TBC1D32: variants seen among roughly 807,000 people sequenced by gnomAD.
TBC1D32 encodes the protein TBC1 domain family member 32.
Under a neutral mutation model 170.3 loss-of-function variants are expected in TBC1D32, and 151 were observed. The observed-to-expected ratio is 0.89, with a 90% CI of 0.78 to 1.01. The LOEUF is 1.01. Among genes scored for constraint, TBC1D32 ranks in the 50% least tolerant of loss-of-function variants. The pLI is 0.00. For synonymous variants in TBC1D32, 498 were observed against 488.0 expected (o/e 1.02, Z -0.27); for missense variants, 1,464 against 1,457.1 (o/e 1.00, Z -0.08).
intron 5 of TBC1D32, among the ~76,000 whole-genome samples, chr6:121,307,578 G>T (rs1030282956): frequency 6.6e-6 from 1 of 151,450 alleles, no homozygotes; most frequent in African/African-American, 2.4e-5. Flanking sequence ...GAAAACTATC[G>T]GCCAGACACC....
chr6:121,231,477 G>T (rs531282292), intron 20 of TBC1D32, among the ~76,000 whole-genome samples: 71 of 152,258 alleles, frequency 4.7e-4, no homozygotes, highest in African/African-American at 1.7e-3. Context: ...TCTACTTTTA[G>T]TTCTTTAAGG....
chr6:121,273,470 T>A (rs991382772), intron 15 of TBC1D32, among the ~76,000 whole-genome samples: 1 of 149,578 alleles, frequency 6.7e-6, no homozygotes, highest in Non-Finnish European at 1.5e-5. Context: ...GTGGGGAACA[T>A]CACACACCGG....
intron 30 of TBC1D32, among the ~76,000 whole-genome samples, chr6:121,098,447 C>T (rs568662805): frequency 1.3e-5 from 2 of 151,950 alleles, no homozygotes; most frequent in South Asian, 2.1e-4. Context: ...TCGGAATGAC[C>T]TCCGCAAGTC....
At chr6:121,319,779 T>C (rs953046267) in intron 2 of TBC1D32, among the ~76,000 whole-genome samples, 2 of 152,126 alleles carry the variant, frequency 1.3e-5, no homozygotes, top group South Asian at 2.1e-4. Flanking sequence ...AATTCTACAA[T>C]GTAAATTTAA....
chr6:121,290,288 C>G (rs1804622382), intron 12 of TBC1D32, among the ~76,000 whole-genome samples: 1 of 151,954 alleles, frequency 6.6e-6, no homozygotes, highest in African/African-American at 2.4e-5. Flanking sequence ...ACAATGAACT[C>G]AAACAAATTT....
intron 21 of TBC1D32, among the ~76,000 whole-genome samples, chr6:121,212,768 A>C (rs1317568086): frequency 6.6e-6 from 1 of 152,116 alleles, no homozygotes; most frequent in African/African-American, 2.4e-5. Context: ...GCCCAGGCCA[A>C]TATCTTTGAT....
intron 22 of TBC1D32, among the ~76,000 whole-genome samples, chr6:121,178,611 T>G (rs1175827429): frequency 1.3e-5 from 2 of 152,166 alleles, no homozygotes; most frequent in Non-Finnish European, 2.9e-5. Context: ...CTCCTGGTGC[T>G]CATGTTCTTG....
chr6:121,102,245 G>A (rs951604350), intron 30 of TBC1D32, among the ~76,000 whole-genome samples: 8 of 152,018 alleles, frequency 5.3e-5, no homozygotes, highest in African/African-American at 1.9e-4. Context: ...CTACTTTAAA[G>A]TTCATGTGGA....
At position 121,321,732 on chromosome 6, in the gene TBC1D32, T is replaced by C; in HGVS notation, c.218A>G (p.Glu73Gly). ...ATCAGATGTGCATTTTTCCATTTCT[T>C]CTTCAATCATAGAACCCAAAGTGTT... is the stretch of plus-strand genomic sequence containing the variant. ...IGNTLGSMIE[E>G]EMEKCTSDRN... is the part of the protein sequence containing the mutation. Residue 73 changes from glutamate (E) to glycine (G), a missense_variant, in exon 2 of 32, where the codon GAA becomes GGA. Around this residue, in one of 3 missense-constraint regions of TBC1D32, gnomAD observed 1,363 missense variants for 1,338.1 expected, o/e 1.02. Coordinates refer to ENST00000398212, the MANE Select transcript of TBC1D32 (RefSeq NM_152730.6). 1 of 1,614,054 alleles carries C rather than the reference T, an allele frequency of 6.2e-7. No homozygotes were observed. Among genetic ancestry groups the C allele is most frequent in the Non-Finnish European group, 8.5e-7 (1 of 1,179,966 alleles).
chr6:121,213,178 T>C (rs9372648), intron 21 of TBC1D32, among the ~76,000 whole-genome samples: 24,474 of 151,980 alleles, frequency 0.16, 2,657 homozygotes, highest in East Asian at 0.52. Context: ...CTATTCAACA[T>C]AGTATTGGAA....
At chr6:121,098,473 T>G (rs941080940) in intron 30 of TBC1D32, among the ~76,000 whole-genome samples, 1 of 151,918 alleles carries the variant, frequency 6.6e-6, no homozygotes, top group Admixed American at 6.6e-5. Context: ...ACTTCATTGA[T>G]CGTGAATTTC....
In TBC1D32 at chr6:121,131,677, C is replaced by G; in HGVS notation, c.2849G>C (p.Arg950Thr). Residue 950 changes from arginine to threonine, a missense_variant, in exon 25 of 32, where the codon AGA becomes ACA. Arg to Thr is a moderately conservative substitution (Grantham distance 71, BLOSUM62 -1). This residue lies in a region of TBC1D32 where 1,363 missense variants were observed against 1,338.1 expected (regional missense o/e 1.02). Coordinates refer to ENST00000398212, the MANE Select transcript of TBC1D32 (RefSeq NM_152730.6). The stretch of plus-strand genomic sequence containing the variant: ...GGCTTTCATCATTTTGCAAAATTGT[C>G]TTTGGCAGTTTTCTATCCATTCAGT... ...KQTEWIENCQ[R>T]QFCKMMKAKP... 4 of 1,611,636 alleles carry G rather than the reference C, an allele frequency of 2.5e-6. No homozygotes were observed. In the South Asian group the frequency reaches 4.4e-5, roughly 18 times the overall value.
intron 1 of TBC1D32, among the ~76,000 whole-genome samples, chr6:121,333,380 T>C (rs6905024): frequency 0.97 from 147,506 of 152,252 alleles, 71,664 homozygotes; most frequent in East Asian, 1. Context: ...AACCTCTTTT[T>C]CCTACTGCTC....
chr6:121,223,382 G>C (rs779936127), intron 20 of TBC1D32, 30 bp from the exon 21 acceptor site: 2 of 1,454,466 alleles, frequency 1.4e-6, no homozygotes, highest in Non-Finnish European at 1.9e-6. Context: ...TCATTTAAAT[G>C]ATTCACTTTT....
At chr6:121,297,621 G>C (rs114131033) in intron 10 of TBC1D32, among the ~76,000 whole-genome samples, 162 of 151,880 alleles carry the variant, frequency 1.1e-3, no homozygotes, top group African/African-American at 3.8e-3. Context: ...ACTTTTTCAG[G>C]GATATCTATA....
In TBC1D32 at chr6:121,135,825, A is replaced by G. The variant is rs138902140; in HGVS notation, c.2774-4073T>C. 5.1e-3 allele frequency among the ~76,000 whole-genome samples: 770 copies of G among 152,286 alleles called. 8 individuals carry two copies. The highest frequency in any genetic ancestry group is 0.038 in the South Asian group (183 of 4,826). ...TACCTGGGTTTTCCACAGAGGTCCC[A>G]GAAAGGTCACACCTTGGTAACAGGT... On this transcript the variant is annotated intron_variant, in intron 24 of 31. Transcript: ENST00000398212.
At chr6:121,238,030 A>C (rs539436102) in intron 20 of TBC1D32, among the ~76,000 whole-genome samples, 2 of 152,240 alleles carry the variant, frequency 1.3e-5, no homozygotes, top group East Asian at 3.9e-4. Context: ...AACACCTATG[A>C]TAGGTAGCAT....
intron 30 of TBC1D32, among the ~76,000 whole-genome samples, chr6:121,102,274 T>C (rs1778197371): frequency 6.6e-6 from 1 of 152,134 alleles, no homozygotes; most frequent in African/African-American, 2.4e-5. Context: ...AGATCCCACA[T>C]TGCCAAGACA....
chr6:121,319,578 T>A lies in TBC1D32; in HGVS notation c.318-1906A>T, dbSNP rs564107364. Among the ~76,000 whole-genome samples the A allele has an allele frequency of 3.9e-5, 6 of 152,294 alleles. 1 individual carries two copies. The South Asian group carries it at 1.2e-3, about 32-fold the overall frequency. ...CCCTATCCCCTTAAAACTTATAATCTGGTGATTTAATAAAGAACTATAAAA... is the reference window on the plus strand; with the variant it reads ...CCCTATCCCCTTAAAACTTATAATCAGGTGATTTAATAAAGAACTATAAAA... On this transcript the variant is annotated intron_variant, in intron 2 of 31. Transcript: ENST00000398212.
Sources: allele counts gnomAD v4.1 joint callset (sites outside exome capture counted in the v4.1 genomes callset), GRCh38; gene constraint gnomAD v4.1.1; regional missense constraint gnomAD v4.1.1; transcripts MANE v1.5; gene names NCBI Gene and HGNC (gene_info 2026-07-23, HGNC 2026-07-21).